ZNF652: variants seen among roughly 807,000 people sequenced by gnomAD.
ZNF652 encodes zinc finger protein 652.
A neutral mutation model predicts 45.2 loss-of-function variants in ZNF652; 16 were observed. The ratio of observed to expected loss-of-function variants is 0.35; its 90% CI spans 0.24 to 0.54. ZNF652 has a LOEUF of 0.54. ZNF652 is among the 20% of genes least tolerant of loss of function. The pLI is 0.91. For synonymous variants in ZNF652, 250 were observed against 260.6 expected (o/e 0.96, Z 0.39); for missense variants, 614 against 765.6 (o/e 0.80, Z 2.34).
At chr17:49,351,012 T>TAC (rs1567700249) in intron 1 of ZNF652, among the ~76,000 whole-genome samples, 22 of 20,282 alleles carry the variant, frequency 1.1e-3, no homozygotes, top group Admixed American at 1.5e-3. Flanking sequence ...TATATATATA[T>TAC]ATACACACAC....
At chr17:49,308,272 G>A (rs1206365679) in intron 5 of ZNF652, among the ~76,000 whole-genome samples, 1 of 151,882 alleles carries the variant, frequency 6.6e-6, no homozygotes, top group African/African-American at 2.4e-5. Flanking sequence ...GATCTCTTGG[G>A]TTCAAACAAT....
rs541675736 is a variant in ZNF652, at chr17:49,298,717, A to T, written c.1517T>A (p.Ile506Asn). 1 of 1,613,902 alleles carries T rather than the reference A, an allele frequency of 6.2e-7. No homozygotes were observed. Residue 506 changes from isoleucine to asparagine, a missense_variant, in exon 6 of 6, where the codon ATC becomes AAC. Ile to Asn is a moderately radical substitution (Grantham distance 149). Coordinates refer to ENST00000430262, the MANE Select transcript of ZNF652 (RefSeq NM_001145365.3). The part of the protein sequence containing the change: ...SPVNVPPAVQ[I>N]PLTTSPATPV... ...GGTGGCTGGGGAAGTTGTAAGTGGG[A>T]TCTGGACAGCAGGTGGCACATTCAC...
intron 1 of ZNF652, among the ~76,000 whole-genome samples, chr17:49,357,340 C>G (rs1213579973): frequency 1.3e-5 from 2 of 151,818 alleles, no homozygotes; most frequent in African/African-American, 4.8e-5. Context: ...CATAAAGCTG[C>G]CTTTCTGGCT....
chr17:49,308,829 A>C (rs2069668286), intron 5 of ZNF652, among the ~76,000 whole-genome samples: 1 of 150,766 alleles, frequency 6.6e-6, no homozygotes, highest in South Asian at 2.1e-4. Flanking sequence ...TTTGTGGGGG[A>C]TGGGAATTTA....
chr17:49,354,526 A>T (rs1371116410), intron 1 of ZNF652, among the ~76,000 whole-genome samples: 4 of 150,862 alleles, frequency 2.7e-5, no homozygotes, highest in African/African-American at 9.7e-5. Flanking sequence ...CAGGAGAATC[A>T]CTTGAACCTG....
intron 1 of ZNF652, among the ~76,000 whole-genome samples, chr17:49,337,389 A>G (rs932726661): frequency 3.3e-5 from 5 of 152,018 alleles, no homozygotes; most frequent in Non-Finnish European, 7.4e-5. Context: ...AATGCCCAAC[A>G]ACTCTGTAGG....
intron 5 of ZNF652, among the ~76,000 whole-genome samples, chr17:49,309,507 CG>C (rs1381183109): frequency 2.1e-5 from 3 of 144,720 alleles, no homozygotes; most frequent in Admixed American, 7.0e-5. Flanking sequence ...GACTCCATCT[CG>C]GAAAAAAAAA....
At chr17:49,310,047 G>T (rs1486373657) in intron 5 of ZNF652, among the ~76,000 whole-genome samples, 2 of 152,034 alleles carry the variant, frequency 1.3e-5, no homozygotes, top group African/African-American at 4.8e-5. Context: ...TCCGCCTCCT[G>T]GGTTCACGCC....
chr17:49,309,382 C>T lies in ZNF652; in HGVS notation c.1309+1930G>A, dbSNP rs189262694. Among the ~76,000 whole-genome samples, 5 of 147,416 alleles carry T rather than the reference C, an allele frequency of 3.4e-5. No homozygotes were observed. The East Asian group carries it at 7.9e-4, about 23-fold the overall frequency. Reference sequence around the variant, plus strand: ...AATTAGCCAGGCATGGTGGTGAACTCGCGTAATCTCAACTACTAGGGAGGC... The same window carrying T: ...AATTAGCCAGGCATGGTGGTGAACTTGCGTAATCTCAACTACTAGGGAGGC... On this transcript the variant is annotated intron_variant, in intron 5 of 5. Coordinates refer to ENST00000430262, the MANE Select transcript of ZNF652 (RefSeq NM_001145365.3).
chr17:49,300,618 G>A (rs1192794798), intron 5 of ZNF652, among the ~76,000 whole-genome samples: 4 of 152,048 alleles, frequency 2.6e-5, no homozygotes, highest in East Asian at 3.8e-4. Flanking sequence ...TATGCACTTC[G>A]GTGAACCATA....
chr17:49,350,077 T>A (rs972949502), intron 1 of ZNF652, among the ~76,000 whole-genome samples: 1 of 152,234 alleles, frequency 6.6e-6, no homozygotes, highest in African/African-American at 2.4e-5. Context: ...GAAATCTGAA[T>A]TAAATACGAA....
intron 5 of ZNF652, among the ~76,000 whole-genome samples, chr17:49,309,750 A>G (rs1047870929): frequency 1.3e-5 from 2 of 152,180 alleles, no homozygotes; most frequent in African/African-American, 4.8e-5. Context: ...TTTAACTAAT[A>G]AAACTGCTCT....
intron 5 of ZNF652, among the ~76,000 whole-genome samples, chr17:49,301,253 A>G (rs988323442): frequency 9.9e-5 from 15 of 152,202 alleles, no homozygotes; most frequent in African/African-American, 3.4e-4. Flanking sequence ...AATTTTCTCC[A>G]TAACTATCAG....
chr17:49,311,264 C>G (rs182507587), intron 5 of ZNF652, 48 bp downstream of exon 5: 2 of 1,569,018 alleles, frequency 1.3e-6, no homozygotes, highest in Admixed American at 1.8e-5. Context: ...AGATGATCAT[C>G]AACAAGTGCT....
At position 49,298,456 on chromosome 17, in the gene ZNF652, A is replaced by G; in HGVS notation, c.1778T>C (p.Leu593Pro). The stretch of plus-strand genomic sequence containing the variant: ...ACTGTTCTTCTCTGCCAGGTGCCGC[A>G]GAAAGTTGTCCTCACTCTGGCCTCT... ...NHRGQSEDNF[L>P]RHLAEKNSSA... The change falls in exon 6 of 6, where the codon CTG becomes CCG. Residue 593 changes from leucine (L) to proline (P), a missense_variant. By Grantham distance (98) the Leu-to-Pro change is moderately conservative (BLOSUM62 -3). This residue lies in a region of ZNF652 where 132 missense variants were observed against 137.2 expected (regional missense o/e 0.96). Transcript: ENST00000430262. 1 of 1,613,054 alleles carries G rather than the reference A, an allele frequency of 6.2e-7. No homozygotes were observed. Among genetic ancestry groups the G allele is most frequent in the Non-Finnish European group, 8.5e-7 (1 of 1,180,036 alleles).
At chr17:49,337,355 GA>G (rs1228535993) in intron 1 of ZNF652, among the ~76,000 whole-genome samples, 3 of 119,088 alleles carry the variant, frequency 2.5e-5, no homozygotes, top group Non-Finnish European at 5.5e-5. Flanking sequence ...AAAAAAAAAA[GA>G]AAAAAGAAAA....
At chr17:49,307,447 A>AAG (rs2069646525) in intron 5 of ZNF652, among the ~76,000 whole-genome samples, 1 of 146,462 alleles carries the variant, frequency 6.8e-6, no homozygotes, top group Admixed American at 6.8e-5. Flanking sequence ...AAAAAAAAAA[A>AAG]AAAAAAAAAA....
At position 49,311,461 on chromosome 17, in the gene ZNF652, A is replaced by G; in HGVS notation, c.1165-5T>C. On this transcript the variant is annotated splice_polypyrimidine_tract_variant and splice_region_variant and intron_variant, in intron 4 of 5. Coordinates refer to ENST00000430262, the MANE Select transcript of ZNF652 (RefSeq NM_001145365.3). ...CTGAAACCTTTCGTCACAGTTCTGC[A>G]TTGGATACAGTGGAGATTTTTGAAT... 2.5e-6 allele frequency: 4 copies of G among 1,613,242 alleles called. No homozygotes were observed. The South Asian group carries it at 4.4e-5, about 18-fold the overall frequency.
At chr17:49,306,270 G>A (rs1298529695) in intron 5 of ZNF652, among the ~76,000 whole-genome samples, 1 of 152,158 alleles carries the variant, frequency 6.6e-6, no homozygotes, top group Non-Finnish European at 1.5e-5. Flanking sequence ...GATGAACACA[G>A]AAAAGGCACA....
Sources: gnomAD v4.1 joint callset for allele counts (sites outside exome capture counted in the v4.1 genomes callset) on GRCh38, gnomAD v4.1.1 for gene constraint, gnomAD v4.1.1 regional missense constraint, MANE v1.5 for transcripts, NCBI Gene and HGNC (gene_info 2026-07-23, HGNC 2026-07-21) for gene names.